The following TBX15 variants were observed in gnomAD, a reference collection of about 807,000 sequenced individuals.
TBX15 encodes the protein T-box transcription factor 15.
TBX15 carries 18 observed loss-of-function variants against 53.9 expected under a neutral mutation model. The ratio of observed to expected loss-of-function variants is 0.33; its 90% confidence interval spans 0.23 to 0.49. The LOEUF (loss-of-function observed/expected upper bound fraction) is 0.49. TBX15 is among the 20% of genes least tolerant of loss of function. The probability of loss-of-function intolerance (pLI) is 0.98; values close to 1 mark genes in which losing one functional copy is unlikely to be tolerated. For missense variants in TBX15, 692 were observed against 749.5 expected, an observed-to-expected ratio of 0.92 and a Z score of 0.90; for synonymous variants, 295 against 278.0, an observed-to-expected ratio of 1.06 and a Z score of -0.61.
chr1:118,930,757 G>C (rs1655756196), intron 2 of TBX15, among the ~76,000 whole-genome samples: 1 of 152,146 alleles, frequency 6.6e-6, no homozygotes. Flanking sequence ...TGAATCCAAG[G>C]GGCAAGAACT....
At chr1:118,980,482 G>A (rs1015892686) in intron 1 of TBX15, among the ~76,000 whole-genome samples, 59 of 152,266 alleles carry the variant, frequency 3.9e-4, no homozygotes, top group African/African-American at 1.3e-3. Flanking sequence ...GAAACTGTCA[G>A]CTCATTTGAG....
At chr1:118,940,028 G>A (rs888960352) in intron 1 of TBX15, among the ~76,000 whole-genome samples, 4 of 151,916 alleles carry the variant, frequency 2.6e-5, no homozygotes, top group African/African-American at 9.7e-5. Flanking sequence ...TCTGACACTA[G>A]AGTTGATGCT....
intron 1 of TBX15, among the ~76,000 whole-genome samples, chr1:118,952,976 T>C (rs1557897726): frequency 6.6e-6 from 1 of 151,904 alleles, no homozygotes; most frequent in Non-Finnish European, 1.5e-5. Context: ...TAAAGCAGAA[T>C]AGAAATAGGA....
chr1:118,900,623 T>C (rs1456812064), intron 6 of TBX15, among the ~76,000 whole-genome samples: 2 of 152,152 alleles, frequency 1.3e-5, no homozygotes, highest in African/African-American at 2.4e-5. Flanking sequence ...TGTTACATGG[T>C]GTTTATTAGC....
chr1:118,978,528 T>C (rs1433022643), intron 1 of TBX15, among the ~76,000 whole-genome samples: 1 of 152,158 alleles, frequency 6.6e-6, no homozygotes, highest in East Asian at 1.9e-4. Flanking sequence ...TCAACATTAA[T>C]ATGTCTGGTT....
chr1:118,903,996 G>C (rs1284830445), intron 6 of TBX15, among the ~76,000 whole-genome samples: 2 of 152,148 alleles, frequency 1.3e-5, no homozygotes, highest in African/African-American at 2.4e-5. Context: ...TTTCCATCCA[G>C]AAAAGAGTCA....
chr1:118,985,567 C>G (rs1419037661), intron 1 of TBX15, among the ~76,000 whole-genome samples: 1 of 152,204 alleles, frequency 6.6e-6, no homozygotes, highest in Non-Finnish European at 1.5e-5. Flanking sequence ...AGGATTCCCC[C>G]GGCCCACTAA....
chr1:118,960,178 C>T (rs993782631), intron 1 of TBX15, among the ~76,000 whole-genome samples: 6 of 152,050 alleles, frequency 3.9e-5, no homozygotes, highest in African/African-American at 1.4e-4. Context: ...GCTATTTCTG[C>T]CTCTGTTTTT....
At chr1:118,917,903 A>G (rs559309507) in intron 5 of TBX15, among the ~76,000 whole-genome samples, 1 of 152,160 alleles carries the variant, frequency 6.6e-6, no homozygotes, top group Admixed American at 6.5e-5. Context: ...TCTCCAACCC[A>G]TTCACACTCC....
At chr1:118,975,256 T>C (rs1383318189) in intron 1 of TBX15, among the ~76,000 whole-genome samples, 1 of 152,184 alleles carries the variant, frequency 6.6e-6, no homozygotes, top group Non-Finnish European at 1.5e-5. Flanking sequence ...AGACCATGGC[T>C]TAGAAAACAA....
At chr1:118,886,805 T>C (rs1053341834) in intron 7 of TBX15, among the ~76,000 whole-genome samples, 3 of 152,130 alleles carry the variant, frequency 2.0e-5, no homozygotes, top group Non-Finnish European at 4.4e-5. Flanking sequence ...AGTTCTCAGG[T>C]GATGGTCCAG....
chr1:118,906,493 G>A (rs1445039108), intron 6 of TBX15, among the ~76,000 whole-genome samples: 2 of 152,000 alleles, frequency 1.3e-5, no homozygotes, highest in African/African-American at 2.4e-5. Context: ...CTTCCATTGG[G>A]TGTTGTGAGA....
At chr1:118,980,918 C>T (rs1034487303) in intron 1 of TBX15, among the ~76,000 whole-genome samples, 6 of 152,084 alleles carry the variant, frequency 3.9e-5, no homozygotes, top group Non-Finnish European at 5.9e-5. Context: ...TTGCAACCTC[C>T]GCCTCCCTGG....
At chr1:118,927,603 A>C (rs774850005) in intron 2 of TBX15, among the ~76,000 whole-genome samples, 1 of 152,212 alleles carries the variant, frequency 6.6e-6, no homozygotes, top group Non-Finnish European at 1.5e-5. Context: ...AGCAAATACC[A>C]AATGAATTCT....
intron 1 of TBX15, among the ~76,000 whole-genome samples, chr1:118,960,095 G>A (rs970999448): frequency 6.6e-6 from 1 of 152,110 alleles, no homozygotes; most frequent in Non-Finnish European, 1.5e-5. Flanking sequence ...AGAGAAAAGG[G>A]AAGTCAGAGC....
chr1:118,911,220 G>A (rs754572183), intron 6 of TBX15, among the ~76,000 whole-genome samples: 13 of 152,266 alleles, frequency 8.5e-5, no homozygotes, highest in Middle Eastern at 3.4e-3. Flanking sequence ...TGTAAAATAC[G>A]AGTTGTTTTG....
At chr1:118,922,430 C>T (rs910928169) in intron 5 of TBX15, among the ~76,000 whole-genome samples, 1 of 152,172 alleles carries the variant, frequency 6.6e-6, no homozygotes, top group Non-Finnish European at 1.5e-5. Flanking sequence ...AGGCTGACTA[C>T]TATTAATTAG....
intron 6 of TBX15, among the ~76,000 whole-genome samples, chr1:118,899,800 T>G (rs1232577273): frequency 6.6e-6 from 1 of 152,208 alleles, no homozygotes; most frequent in African/African-American, 2.4e-5. Flanking sequence ...AGTAACCTAA[T>G]AATCAGTCTG....
intron 6 of TBX15, among the ~76,000 whole-genome samples, chr1:118,908,942 A>ACG (rs1377414318): frequency 1.3e-5 from 2 of 151,902 alleles, no homozygotes; most frequent in Non-Finnish European, 2.9e-5. Flanking sequence ...ACACACACAC[A>ACG]CATGCATGCA....
Sources: allele counts gnomAD v4.1 joint callset (sites outside exome capture counted in the v4.1 genomes callset), GRCh38; gene constraint gnomAD v4.1.1; transcripts MANE v1.5; gene names NCBI Gene and HGNC (gene_info 2026-07-23, HGNC 2026-07-21).